ROBO1: variants seen among roughly 807,000 people sequenced by gnomAD.
The protein encoded by ROBO1 is roundabout guidance receptor 1.
A neutral mutation model predicts 195.9 loss-of-function variants in ROBO1; 149 were observed. The ratio of observed to expected loss-of-function variants is 0.76; its 90% CI spans 0.67 to 0.87. ROBO1 has a LOEUF of 0.87. Among genes scored for constraint, ROBO1 ranks in the 40% least tolerant of loss-of-function variants. The pLI is 0.00. For synonymous variants in ROBO1, 816 were observed against 733.2 expected (o/e 1.11, Z -1.82); for missense variants, 1,933 against 2,068.3 (o/e 0.93, Z 1.27).
intron 1 of ROBO1, among the ~76,000 whole-genome samples, chr3:79,620,373 C>G (rs558443672): frequency 6.6e-6 from 1 of 152,104 alleles, no homozygotes; most frequent in Non-Finnish European, 1.5e-5. Context: ...TAAATCCGTA[C>G]CCTTCTTAAT....
chr3:78,642,564 G>C (rs1271490781), intron 21 of ROBO1, among the ~76,000 whole-genome samples: 1 of 152,170 alleles, frequency 6.6e-6, no homozygotes, highest in East Asian at 1.9e-4. Flanking sequence ...TACCAGGTTA[G>C]CCAGACTTTC....
At chr3:79,237,454 C>G (rs1320733260) in intron 2 of ROBO1, among the ~76,000 whole-genome samples, 1 of 150,324 alleles carries the variant, frequency 6.7e-6, no homozygotes, top group Non-Finnish European at 1.5e-5. Flanking sequence ...GCACTCCAGC[C>G]TGGGCGACAG....
intron 4 of ROBO1, among the ~76,000 whole-genome samples, chr3:78,872,321 G>C (rs1039538824): frequency 6.6e-6 from 1 of 152,182 alleles, no homozygotes; most frequent in Admixed American, 6.5e-5. Flanking sequence ...AACTGCCTGC[G>C]TGCTTTGATA....
intron 1 of ROBO1, among the ~76,000 whole-genome samples, chr3:79,699,971 C>T (rs1947565603): frequency 6.6e-6 from 1 of 151,592 alleles, no homozygotes; most frequent in African/African-American, 2.4e-5. Flanking sequence ...AGTTTTTCAG[C>T]CCTTGTCCTC....
At chr3:79,332,109 C>T (rs1291164649) in intron 2 of ROBO1, among the ~76,000 whole-genome samples, 1 of 145,210 alleles carries the variant, frequency 6.9e-6, no homozygotes, top group Non-Finnish European at 1.5e-5. Context: ...TGCCGCTGTA[C>T]TCTAGCCTGG....
intron 10 of ROBO1, among the ~76,000 whole-genome samples, chr3:78,678,559 A>AAACT (rs1279588890): frequency 2.0e-5 from 3 of 152,310 alleles, no homozygotes; most frequent in African/African-American, 7.2e-5. Context: ...CTACGCAAAT[A>AAACT]AACTAGAAAA....
intron 2 of ROBO1, among the ~76,000 whole-genome samples, chr3:79,449,888 T>C (rs531333801): frequency 6.6e-6 from 1 of 152,096 alleles, no homozygotes; most frequent in Non-Finnish European, 1.5e-5. Context: ...AACAATCATA[T>C]AGAATATAAT....
rs556474219 is a variant in ROBO1, at chr3:78,687,158, T to G, written c.1171-1241A>C. ...AAATTTGATCTAATGTTTAAATAAC[T>G]TAAATGAATCATCAAAATATCACTC... On this transcript the variant is annotated intron_variant, in intron 9 of 30. Coordinates refer to ENST00000464233, the MANE Select transcript of ROBO1 (RefSeq NM_002941.4). 7.8e-4 allele frequency among the ~76,000 whole-genome samples: 66 copies of G among 84,914 alleles called. 1 individual carries two copies. The highest frequency in any genetic ancestry group is 5.3e-3 in the Admixed American group (52 of 9,778). 55.7% of individuals were successfully genotyped at this position (84,914 alleles called of 152,430 possible).
intron 4 of ROBO1, among the ~76,000 whole-genome samples, chr3:78,831,360 T>C (rs2032190405): frequency 6.6e-6 from 1 of 152,232 alleles, no homozygotes; most frequent in African/African-American, 2.4e-5. Context: ...CTTCCATAAA[T>C]ACATAAATAT....
intron 1 of ROBO1, among the ~76,000 whole-genome samples, chr3:79,748,634 T>C (rs1025221213): frequency 1.3e-5 from 2 of 152,150 alleles, no homozygotes; most frequent in Non-Finnish European, 2.9e-5. Context: ...TTCCCATGTG[T>C]TGTGAGAGGA....
chr3:79,018,970 C>T, intron 3 of ROBO1: 1 of 989,322 alleles, frequency 1.0e-6, no homozygotes, highest in Non-Finnish European at 1.2e-6. Flanking sequence ...CGATAGCAGC[C>T]AAAGTAGAAG....
At chr3:79,536,903 A>C (rs971513728) in intron 2 of ROBO1, among the ~76,000 whole-genome samples, 8 of 152,194 alleles carry the variant, frequency 5.3e-5, no homozygotes, top group Non-Finnish European at 1.2e-4. Context: ...GTAGTAAAGA[A>C]GACTATTTCT....
At chr3:78,964,841 T>C (rs2076601526) in intron 3 of ROBO1, among the ~76,000 whole-genome samples, 1 of 151,526 alleles carries the variant, frequency 6.6e-6, no homozygotes, top group Non-Finnish European at 1.5e-5. Flanking sequence ...GTGTTTCATT[T>C]GAAACCTTTT....
chr3:79,547,622 G>A (rs1942319443), intron 2 of ROBO1, among the ~76,000 whole-genome samples: 1 of 152,098 alleles, frequency 6.6e-6, no homozygotes, highest in African/African-American at 2.4e-5. Context: ...TTTAGGTGTG[G>A]GAATGTATGT....
chr3:78,913,545 G>A (rs535752743), intron 4 of ROBO1, among the ~76,000 whole-genome samples: 3 of 152,062 alleles, frequency 2.0e-5, no homozygotes, highest in Non-Finnish European at 4.4e-5. Flanking sequence ...ACTAGAAAGA[G>A]AAAAATAATT....
chr3:79,654,306 G>T (rs531721619), intron 1 of ROBO1, among the ~76,000 whole-genome samples: 2 of 151,880 alleles, frequency 1.3e-5, no homozygotes, highest in African/African-American at 2.4e-5. Flanking sequence ...TAAAATGACC[G>T]TAGTTTTGAG....
intron 3 of ROBO1, among the ~76,000 whole-genome samples, chr3:79,093,809 A>T (rs2079520063): frequency 6.6e-6 from 1 of 152,098 alleles, no homozygotes; most frequent in Non-Finnish European, 1.5e-5. Flanking sequence ...CTCAATGCAC[A>T]GTAAAGTCTT....
At chr3:79,717,709 A>G (rs184426956) in intron 1 of ROBO1, among the ~76,000 whole-genome samples, 1 of 152,140 alleles carries the variant, frequency 6.6e-6, no homozygotes, top group Admixed American at 6.6e-5. Context: ...CATATATGTT[A>G]GAAGTGTGTG....
At chr3:79,282,280 T>C (rs1240171304) in intron 2 of ROBO1, among the ~76,000 whole-genome samples, 1 of 152,182 alleles carries the variant, frequency 6.6e-6, no homozygotes, top group Non-Finnish European at 1.5e-5. Flanking sequence ...GAATACAGAA[T>C]GAAGAAGTGT....
Sources: allele counts gnomAD v4.1 joint callset (sites outside exome capture counted in the v4.1 genomes callset), GRCh38; gene constraint gnomAD v4.1.1; transcripts MANE v1.5; gene names NCBI Gene and HGNC (gene_info 2026-07-23, HGNC 2026-07-21).